The following SAMD12 variants were observed in gnomAD, a reference collection of about 807,000 sequenced individuals.
SAMD12 encodes the protein sterile alpha motif domain-containing protein 12.
Under a neutral mutation model 15.0 loss-of-function variants are expected in SAMD12, and 9 were observed. The ratio of observed to expected loss-of-function variants is 0.60; its 90% CI spans 0.36 to 1.05. The LOEUF is 1.05. SAMD12 is among the 50% of genes least tolerant of loss of function. SAMD12 has a pLI of 0.01. For missense variants in SAMD12, 230 were observed against 234.2 expected (o/e 0.98, Z 0.12); for synonymous variants, 86 against 90.1 (o/e 0.96, Z 0.25).
chr8:118,299,996 C>T (rs1814931400), intron 4 of SAMD12, among the ~76,000 whole-genome samples: 1 of 151,966 alleles, frequency 6.6e-6, no homozygotes, highest in Non-Finnish European at 1.5e-5. Context: ...ACCTCAGTTC[C>T]TTGTTGTACA....
At chr8:118,200,806 T>G (rs993204150) in intron 4 of SAMD12, among the ~76,000 whole-genome samples, 1 of 152,226 alleles carries the variant, frequency 6.6e-6, no homozygotes, top group Non-Finnish European at 1.5e-5. Context: ...CCTTGAACCT[T>G]AGTCTTTCTT....
chr8:118,514,244 G>T (rs1825167123), intron 2 of SAMD12, among the ~76,000 whole-genome samples: 1 of 152,158 alleles, frequency 6.6e-6, no homozygotes. Context: ...GACCACAATA[G>T]AAATTTTGAA....
chr8:118,594,111 C>T (rs763014039), intron 1 of SAMD12, among the ~76,000 whole-genome samples: 36 of 152,014 alleles, frequency 2.4e-4, no homozygotes, highest in Non-Finnish European at 3.7e-4. Flanking sequence ...AAGAGATGAA[C>T]AGGGATTCAG....
At chr8:118,153,421 GT>G in the SAMD12 span, among the ~76,000 whole-genome samples, 6 of 152,154 alleles carry the variant, frequency 3.9e-5, no homozygotes, top group African/African-American at 1.4e-4. Context: ...AGTACACTCT[GT>G]TTTTTGTGAA....
Position 118,477,313 on chromosome 8 carries a change from A to G in SAMD12, c.193-37352T>C, listed in dbSNP as rs553265129. Among the ~76,000 whole-genome samples the G allele has an allele frequency of 1.3e-5, 2 of 152,030 alleles. 1 individual carries two copies. Among genetic ancestry groups the G allele is most frequent in the East Asian group, 3.9e-4 (2 of 5,124 alleles). On this transcript the variant is annotated intron_variant, in intron 2 of 3. Coordinates refer to ENST00000314727, the MANE Select transcript of SAMD12 (RefSeq NM_207506.3). The stretch of plus-strand genomic sequence containing the variant: ...ACTCCTGACCTCAAGTGATCCGCCC[A>G]CTTCACCCTCCCAAAGTGCTGGGAT...
At chr8:118,279,136 G>C (rs56155956) in intron 4 of SAMD12, among the ~76,000 whole-genome samples, 3,371 of 152,162 alleles carry the variant, frequency 0.022, 143 homozygotes, top group African/African-American at 0.076. Context: ...TCTGGGTCTG[G>C]GGCTGCTTCA....
intron 4 of SAMD12, among the ~76,000 whole-genome samples, chr8:118,260,508 G>A (rs1179317640): frequency 6.6e-6 from 1 of 152,064 alleles, no homozygotes; most frequent in Non-Finnish European, 1.5e-5. Context: ...GGAGTTCCTA[G>A]TTGTGCTGGA....
chr8:118,602,707 A>G (rs1358987152), intron 1 of SAMD12, among the ~76,000 whole-genome samples: 1 of 152,234 alleles, frequency 6.6e-6, no homozygotes, highest in Non-Finnish European at 1.5e-5. Flanking sequence ...CCCTAAATAT[A>G]ATCAGCCAAC....
At position 118,294,897 on chromosome 8, in the gene SAMD12, G is replaced by A. The variant is rs372618383; in HGVS notation, c.433+84663C>T. On this transcript the variant is annotated intron_variant, in intron 4 of 4. Coordinates refer to the SAMD12 transcript ENST00000409003. Reference sequence around the variant, plus strand: ...TCATCTAGTTAAGGAAGACTGGGATGTATTTTACTCTGTGTGTACTGTCAA... The same window carrying A: ...TCATCTAGTTAAGGAAGACTGGGATATATTTTACTCTGTGTGTACTGTCAA... Among the ~76,000 whole-genome samples the A allele has an allele frequency of 2.6e-5, 4 of 152,224 alleles. No homozygotes were observed. The East Asian group carries it at 7.7e-4, about 29-fold the overall frequency.
At chr8:118,449,872 A>C (rs1461852433) in intron 2 of SAMD12, among the ~76,000 whole-genome samples, 1 of 152,060 alleles carries the variant, frequency 6.6e-6, no homozygotes, top group Non-Finnish European at 1.5e-5. Context: ...GAAAAAATAA[A>C]AATACCAAAT....
intron 2 of SAMD12, among the ~76,000 whole-genome samples, chr8:118,487,551 T>C (rs151142413): frequency 0.014 from 2,065 of 152,334 alleles, 22 homozygotes; most frequent in Middle Eastern, 0.027. Flanking sequence ...GGATGCCTCA[T>C]GTTGCTTCTG....
At chr8:118,454,683 C>T (rs1823193226) in intron 2 of SAMD12, among the ~76,000 whole-genome samples, 1 of 152,126 alleles carries the variant, frequency 6.6e-6, no homozygotes, top group Non-Finnish European at 1.5e-5. Flanking sequence ...TTGTACAGTT[C>T]AGTAGTATTA....
chr8:118,305,689 G>A (rs556098982), intron 4 of SAMD12, among the ~76,000 whole-genome samples: 27 of 152,200 alleles, frequency 1.8e-4, no homozygotes, highest in Non-Finnish European at 2.9e-4. Flanking sequence ...GTCTAGAAAG[G>A]TCCCAGTGAT....
intron 2 of SAMD12, among the ~76,000 whole-genome samples, chr8:118,556,885 G>A (rs1237865775): frequency 6.6e-6 from 1 of 151,828 alleles, no homozygotes; most frequent in African/African-American, 2.4e-5. Context: ...AATCACTTGA[G>A]CCTGGGATGC....
intron 2 of SAMD12, among the ~76,000 whole-genome samples, chr8:118,554,467 G>C (rs1196670666): frequency 1.3e-5 from 2 of 150,016 alleles, no homozygotes; most frequent in Non-Finnish European, 3.0e-5. Context: ...CTCATTCATA[G>C]GTGGGAATTG....
chr8:118,405,136 T>C (rs1821062929), intron 3 of SAMD12, among the ~76,000 whole-genome samples: 1 of 152,222 alleles, frequency 6.6e-6, no homozygotes, highest in South Asian at 2.1e-4. Flanking sequence ...GGAACTATCC[T>C]ACAATACTGG....
intron 2 of SAMD12, among the ~76,000 whole-genome samples, chr8:118,518,245 G>T (rs963816049): frequency 4.6e-5 from 7 of 152,160 alleles, no homozygotes; most frequent in African/African-American, 1.7e-4. Flanking sequence ...CTATATGATT[G>T]AGGTCCCATG....
chr8:118,559,219 C>G (rs763023471), intron 2 of SAMD12, among the ~76,000 whole-genome samples: 4 of 152,116 alleles, frequency 2.6e-5, no homozygotes, highest in African/African-American at 9.6e-5. Flanking sequence ...TTTTTTCCCC[C>G]CTACCTAGAA....
chr8:118,336,873 A>G (rs1817102958), intron 4 of SAMD12, among the ~76,000 whole-genome samples: 2 of 152,250 alleles, frequency 1.3e-5, no homozygotes, highest in Non-Finnish European at 1.5e-5. Flanking sequence ...GACATGGATG[A>G]AGCTGGAAAC....
Sources: allele counts gnomAD v4.1 joint callset (sites outside exome capture counted in the v4.1 genomes callset), GRCh38; gene constraint gnomAD v4.1.1; transcripts MANE v1.5; gene names NCBI Gene and HGNC (gene_info 2026-07-23, HGNC 2026-07-21).